The following SRGAP3 variants were observed in gnomAD, a reference collection of about 807,000 sequenced individuals.
SRGAP3 encodes the protein SLIT-ROBO Rho GTPase-activating protein 3.
SRGAP3 carries 39 observed loss-of-function variants against 121.1 expected under a neutral mutation model. That is an observed-to-expected ratio of 0.32 (90% CI 0.25 to 0.42). The LOEUF is 0.42. Ranked by LOEUF, SRGAP3 falls within the 10% of genes least tolerant of loss-of-function variation. SRGAP3 has a pLI of 1.00. For synonymous variants in SRGAP3, 601 were observed against 570.0 expected (o/e 1.05, Z -0.77); for missense variants, 1,213 against 1,470.6 (o/e 0.82, Z 2.86).
intron 1 of SRGAP3, chr3:9,348,906 AG>A: frequency 9.7e-7 from 1 of 1,031,636 alleles, no homozygotes; most frequent in Non-Finnish European, 1.5e-6. Context: ...GAGAGTCTGA[AG>A]GACACTATTG....
intron 4 of SRGAP3, among the ~76,000 whole-genome samples, chr3:9,073,854 C>T (rs1044202627): frequency 6.6e-6 from 1 of 152,194 alleles, no homozygotes; most frequent in Non-Finnish European, 1.5e-5. Context: ...TATGCCCAAA[C>T]GTGTGTGCTG....
chr3:9,183,855 G>A (rs1453444186), intron 1 of SRGAP3, among the ~76,000 whole-genome samples: 1 of 150,234 alleles, frequency 6.7e-6, no homozygotes, highest in Non-Finnish European at 1.5e-5. Flanking sequence ...CCCAGCCCCG[G>A]CCCCTCAGCC....
chr3:9,361,882 G>A (rs533844593), intron 1 of SRGAP3, among the ~76,000 whole-genome samples: 42 of 152,266 alleles, frequency 2.8e-4, no homozygotes, highest in African/African-American at 7.5e-4. Context: ...ACCTTTTGAA[G>A]TCAAGCGGTA....
intron 3 of SRGAP3, among the ~76,000 whole-genome samples, chr3:9,318,336 T>C (rs1338807457): frequency 6.6e-6 from 1 of 151,872 alleles, no homozygotes; most frequent in Non-Finnish European, 1.5e-5. Flanking sequence ...AGCCATGTCC[T>C]TTCTGCTCCA....
At chr3:9,124,176 T>C (rs763016220) in intron 2 of SRGAP3, among the ~76,000 whole-genome samples, 4 of 152,108 alleles carry the variant, frequency 2.6e-5, no homozygotes, top group Admixed American at 6.5e-5. Context: ...TCAGGACACA[T>C]GACAGTTTGT....
Position 9,045,190 on chromosome 3 carries a change from T to TAAA in SRGAP3, c.1408+2200_1408+2201insTTT, listed in dbSNP as rs143656763. Among the ~76,000 whole-genome samples the TAAA allele has an allele frequency of 5.6e-4, 81 of 144,788 alleles. 3 individuals are homozygous for TAAA. Among genetic ancestry groups the TAAA allele is most frequent in the East Asian group, 2.5e-3 (12 of 4,800 alleles). The allele number at this position is 144,788 out of a possible 152,430, so 95.0% of individuals were successfully genotyped here. On this transcript the variant is annotated intron_variant, in intron 10 of 21. Coordinates refer to ENST00000383836, the MANE Select transcript of SRGAP3 (RefSeq NM_014850.4). Reference sequence around the variant, plus strand: ...ACTGTTTTAAAAGAGAAAGTTTACTTTAAAAAAAAAAAAAAAAAACTTCTG... The same window carrying TAAA: ...ACTGTTTTAAAAGAGAAAGTTTACTTAAATAAAAAAAAAAAAAAAAAACTTCTG...
intron 1 of SRGAP3, among the ~76,000 whole-genome samples, chr3:9,354,065 A>G (rs1296061519): frequency 2.0e-5 from 3 of 152,224 alleles, no homozygotes; most frequent in Non-Finnish European, 2.9e-5. Flanking sequence ...TTACACTTAA[A>G]AGGTAAATTT....
intron 9 of SRGAP3, among the ~76,000 whole-genome samples, chr3:9,051,357 TA>T (rs1438519643): frequency 1.3e-5 from 2 of 152,178 alleles, no homozygotes; most frequent in Non-Finnish European, 2.9e-5. Flanking sequence ...GGCCTTGGTA[TA>T]CCCATTAGTC....
chr3:9,233,636 T>C (rs1204616434), intron 1 of SRGAP3, among the ~76,000 whole-genome samples: 1 of 152,170 alleles, frequency 6.6e-6, no homozygotes, highest in Admixed American at 6.5e-5. Flanking sequence ...TCTGTCTAGA[T>C]CCTAAAGAGC....
At chr3:9,327,029 ATTGT>A (rs1386541494) in intron 2 of SRGAP3, among the ~76,000 whole-genome samples, 1 of 151,750 alleles carries the variant, frequency 6.6e-6, no homozygotes. Flanking sequence ...ACCTTTCATT[ATTGT>A]TTAATATTAC....
intron 3 of SRGAP3, among the ~76,000 whole-genome samples, chr3:9,277,132 G>T (rs938952635): frequency 3.3e-5 from 5 of 152,160 alleles, no homozygotes; most frequent in African/African-American, 1.2e-4. Context: ...TGTCATAAAT[G>T]CTCAACTAAT....
chr3:9,110,246 G>C (rs1575087575), intron 2 of SRGAP3, among the ~76,000 whole-genome samples: 1 of 152,230 alleles, frequency 6.6e-6, no homozygotes, highest in East Asian at 1.9e-4. Flanking sequence ...TGGGCACCTG[G>C]GGGAGTAGAA....
intron 21 of SRGAP3, 141 bp downstream of exon 21, chr3:8,990,371 G>C: frequency 9.1e-7 from 1 of 1,100,140 alleles, no homozygotes; most frequent in South Asian, 1.5e-5. Context: ...AGCAAGGGAC[G>C]GGGAGGCCAC....
At chr3:9,224,300 T>C (rs1041409371) in intron 1 of SRGAP3, among the ~76,000 whole-genome samples, 3 of 152,162 alleles carry the variant, frequency 2.0e-5, no homozygotes, top group Non-Finnish European at 4.4e-5. Context: ...GCCATGACAT[T>C]CGTGTTGAAA....
At chr3:9,270,042 A>G (rs1954442914) in intron 3 of SRGAP3, among the ~76,000 whole-genome samples, 1 of 152,146 alleles carries the variant, frequency 6.6e-6, no homozygotes, top group Non-Finnish European at 1.5e-5. Context: ...TTTCTGATTT[A>G]GTAGATCTGG....
chr3:9,115,430 G>A (rs1195579892), intron 2 of SRGAP3, among the ~76,000 whole-genome samples: 2 of 152,104 alleles, frequency 1.3e-5, no homozygotes, highest in Non-Finnish European at 2.9e-5. Flanking sequence ...ATGTATATAT[G>A]CATATCAAAG....
At chr3:9,165,496 T>A (rs1299687032) in intron 1 of SRGAP3, among the ~76,000 whole-genome samples, 1 of 152,218 alleles carries the variant, frequency 6.6e-6, no homozygotes. Context: ...GATCTTTCTG[T>A]TTCTTCTGCT....
chr3:9,062,766 A>T (rs1308193908), intron 5 of SRGAP3, among the ~76,000 whole-genome samples: 1 of 152,254 alleles, frequency 6.6e-6, no homozygotes, highest in African/African-American at 2.4e-5. Context: ...TTATTCAACC[A>T]TCCATCAGCA....
intron 1 of SRGAP3, among the ~76,000 whole-genome samples, chr3:9,199,530 C>G (rs577848027): frequency 3.3e-4 from 50 of 152,254 alleles, no homozygotes; most frequent in African/African-American, 1.1e-3. Flanking sequence ...GCTCTATCAC[C>G]TCCAGAGGCC....
Sources: gnomAD v4.1 joint callset for allele counts (sites outside exome capture counted in the v4.1 genomes callset) on GRCh38, gnomAD v4.1.1 for gene constraint, MANE v1.5 for transcripts, NCBI Gene and HGNC (gene_info 2026-07-23, HGNC 2026-07-21) for gene names.